The following PIP4P1 variants were observed in gnomAD, a reference collection of about 807,000 sequenced individuals.
PIP4P1 encodes type 1 phosphatidylinositol 4,5-bisphosphate 4-phosphatase.
Under a neutral mutation model 32.3 loss-of-function variants are expected in PIP4P1, and 14 were observed. The ratio of observed to expected loss-of-function variants is 0.43; its 90% CI spans 0.29 to 0.68. The LOEUF is 0.68. PIP4P1 is among the 30% of genes least tolerant of loss of function. PIP4P1 has a pLI of 0.15. For missense variants in PIP4P1, 289 were observed against 364.5 expected (o/e 0.79, Z 1.69); for synonymous variants, 132 against 137.9 (o/e 0.96, Z 0.30).
chr14:20,458,505 A>G lies in PIP4P1; in HGVS notation c.*54T>C. The G allele has an allele frequency of 6.2e-7, 1 of 1,604,848 alleles. No individual in the cohort carries two copies. Among genetic ancestry groups the G allele is most frequent in the Non-Finnish European group, 8.5e-7 (1 of 1,175,104 alleles). On this transcript the variant is annotated 3_prime_UTR_variant, in exon 7 of 7. Transcript: ENST00000250489. Reference sequence around the variant, plus strand: ...CTTTAACTACCCCAGCTCCCTTCGTAGTGTCACTGTCCCCACCAGGGAGGG... The same window carrying G: ...CTTTAACTACCCCAGCTCCCTTCGTGGTGTCACTGTCCCCACCAGGGAGGG...
intron 2 of PIP4P1, 37 bp downstream of exon 2, chr14:20,460,618 G>C (rs1316478118): frequency 6.2e-7 from 1 of 1,601,850 alleles, no homozygotes; most frequent in Non-Finnish European, 8.5e-7. Context: ...AGAGGATCCA[G>C]GAAACAGGGC....
intron 1 of PIP4P1, 83 bp downstream of exon 1, chr14:20,461,101 T>C (rs1360215052): frequency 1.6e-6 from 2 of 1,271,364 alleles, no homozygotes; most frequent in African/African-American, 3.1e-5. Flanking sequence ...CCGCCCTCGG[T>C]CCCGCCCCCT....
intron 1 of PIP4P1, 62 bp from the exon 2 acceptor site, chr14:20,460,907 G>T (rs1881681479): frequency 6.8e-7 from 1 of 1,478,110 alleles, no homozygotes; most frequent in Admixed American, 2.5e-5. Flanking sequence ...CTCCACGGTG[G>T]TAGGGAAGTC....
At position 20,459,421 on chromosome 14, in the gene PIP4P1, C is replaced by T. The variant is rs776716699; in HGVS notation, c.566G>A (p.Arg189His). Residue 189 changes from arginine (R) to histidine (H), a missense_variant, in exon 5 of 7, where the codon CGC becomes CAC. By Grantham distance (29) the Arg-to-His change is conservative. Coordinates refer to ENST00000250489, the MANE Select transcript of PIP4P1 (RefSeq NM_144568.4). ...GCAGTGAGGACAACGTGCCAAAGTG[C>T]GGTCTGTGAACTCTGTCCACTATGG... ...NTFLWTEFTD[R>H]TLARCPHCRK... The T allele has an allele frequency of 2.5e-5, 40 of 1,614,040 alleles. No homozygotes were observed. Among genetic ancestry groups the T allele is most frequent in the Admixed American group, 1.5e-4 (9 of 59,998 alleles).
chr14:20,460,027 T>C, intron 3 of PIP4P1, 165 bp downstream of exon 3: 1 of 658,898 alleles, frequency 1.5e-6, no homozygotes, highest in East Asian at 2.7e-5. Flanking sequence ...ATATTTTTAT[T>C]GAGAAACGAG....
Position 20,458,541 on chromosome 14 carries a change from G to A in PIP4P1, c.*18C>T, listed in dbSNP as rs1230514067. The A allele has an allele frequency of 1.2e-5, 19 of 1,612,292 alleles. No homozygotes were observed. The highest frequency in any genetic ancestry group is 4.5e-5 in the East Asian group (2 of 44,892). On this transcript the variant is annotated 3_prime_UTR_variant, in exon 7 of 7. Transcript: ENST00000250489. ...CCCCACCAGGGAGGGGCCAGGCACAGTCTGTGGGTCATCAGGCTCAGGAGA... is the reference window on the plus strand; with the variant it reads ...CCCCACCAGGGAGGGGCCAGGCACAATCTGTGGGTCATCAGGCTCAGGAGA...
chr14:20,460,017 A>C (rs571834925), intron 3 of PIP4P1, 175 bp downstream of exon 3: 1 of 649,288 alleles, frequency 1.5e-6, no homozygotes, highest in Non-Finnish European at 2.7e-6. Flanking sequence ...TTTCATCTCA[A>C]TATTTTTATT....
chr14:20,460,823 C>G lies in PIP4P1; in HGVS notation c.165G>C (p.Gly55=), dbSNP rs371564120. 1.9e-6 allele frequency: 3 copies of G among 1,561,510 alleles called. No individual in the cohort carries two copies. The highest frequency in any genetic ancestry group is 2.6e-6 in the Non-Finnish European group (3 of 1,156,806). Residue 55 remains glycine (G), a synonymous_variant, in exon 2 of 7, where the codon GGG becomes GGC. Transcript: ENST00000250489. The stretch of plus-strand genomic sequence containing the variant: ...CCTCCCCAGGCAACACGGCTGGATG[C>G]CCCTCGGGAAACGGGGGAAATGCTG... ...YGAAFPPFPE[G]HPAVLPGEDP... is the part of the protein sequence containing the mutation.
rs1594418482 is a variant in PIP4P1 at position 20,459,223 on chromosome 14, T to C, written c.673A>G (p.Thr225Ala). 1 of 1,614,084 alleles carries C rather than the reference T, an allele frequency of 6.2e-7. No individual in the cohort carries two copies. The highest frequency in any genetic ancestry group is 1.3e-5 in the African/African-American group (1 of 74,924). Residue 225 changes from threonine to alanine, a missense_variant, in exon 6 of 7, where the codon ACT (threonine) becomes GCT (alanine). Thr to Ala is a moderately conservative substitution (Grantham distance 58). Coordinates refer to ENST00000250489, the MANE Select transcript of PIP4P1 (RefSeq NM_144568.4). ...GTACTCACGGCAAGGCCAGTGGCAGTGACTGCCAAAAGCAAGCCAAGCAAG... is the reference window on the plus strand; with the variant it reads ...GTACTCACGGCAAGGCCAGTGGCAGCGACTGCCAAAAGCAAGCCAAGCAAG... ...CFLLGLLLAV[T>A]ATGLAFGTWK... is the part of the protein sequence containing the mutation.
intron 3 of PIP4P1, 70 bp downstream of exon 3, chr14:20,460,122 C>T (rs1594419453): frequency 8.6e-7 from 1 of 1,160,496 alleles, no homozygotes. Context: ...TTTACATTCT[C>T]TGTATACGCT....
Position 20,460,183 on chromosome 14 carries a change from G to A in PIP4P1, c.440+9C>T, listed in dbSNP as rs750090941. On this transcript the variant is annotated intron_variant, in intron 3 of 6. Coordinates refer to ENST00000250489, the MANE Select transcript of PIP4P1 (RefSeq NM_144568.4). Reference sequence around the variant, plus strand: ...CCACTTAGGCCCTTCCCCACCTTATGCCTCTTACCAGTAGGGCCGAGGGCA... The same window carrying A: ...CCACTTAGGCCCTTCCCCACCTTATACCTCTTACCAGTAGGGCCGAGGGCA... 1 of 1,605,074 alleles carries A rather than the reference G, an allele frequency of 6.2e-7. No individual in the cohort carries two copies. The highest frequency in any genetic ancestry group is 8.5e-7 in the Non-Finnish European group (1 of 1,171,796).
At position 20,458,416 on chromosome 14, in the gene PIP4P1, T is replaced by C; in HGVS notation, c.*143A>G. 4.9e-6 allele frequency: 6 copies of C among 1,233,050 alleles called. No individual in the cohort carries two copies. The highest frequency in any genetic ancestry group is 6.9e-6 in the Non-Finnish European group (6 of 866,820). 76.4% of individuals were successfully genotyped at this position (1,233,050 alleles called of 1,614,324 possible). On this transcript the variant is annotated 3_prime_UTR_variant, in exon 7 of 7. Transcript: ENST00000250489. Reference sequence around the variant, plus strand: ...CAAACCTAAGTGAGGGCCTGGTTCCTTCCTACCTCTCCCCAGGGAAAAGGA... The same window carrying C: ...CAAACCTAAGTGAGGGCCTGGTTCCCTCCTACCTCTCCCCAGGGAAAAGGA...
chr14:20,458,730 A>G, intron 6 of PIP4P1, 28 bp from the exon 7 acceptor site: 2 of 1,601,062 alleles, frequency 1.2e-6, no homozygotes, highest in Non-Finnish European at 8.5e-7. Context: ...GGAGAAGAAA[A>G]GAAAGATGGG....
At chr14:20,458,840 C>CTTATTTTTTTTTTTTTTTTTTTTTTT in intron 6 of PIP4P1, 138 bp from the exon 7 acceptor site, 1 of 1,092,968 alleles carries the variant, frequency 9.1e-7, no homozygotes. Context: ...CCTCAGGGAC[C>CTTATTTTTTTTTTTTTTTTTTTTTTT]TTCTTAAAGG....
In PIP4P1 at chr14:20,459,426, T is replaced by G. The variant is rs1361920451; in HGVS notation, c.561A>C (p.Thr187=). Residue 187 remains threonine, a synonymous_variant, in exon 5 of 7, where the codon ACA becomes ACC. Coordinates refer to ENST00000250489, the MANE Select transcript of PIP4P1 (RefSeq NM_144568.4). ...CKNTFLWTEF[T]DRTLARCPHC... ...GAGGACAACGTGCCAAAGTGCGGTC[T>G]GTGAACTCTGTCCACTATGGAGAAA... The G allele has an allele frequency of 6.2e-7, 1 of 1,614,122 alleles. No homozygotes were observed. The highest frequency in any genetic ancestry group is 8.5e-7 in the Non-Finnish European group (1 of 1,180,046).
rs553577788 is a variant in PIP4P1, at chr14:20,461,405, C to A, written c.-80G>T. On this transcript the variant is annotated 5_prime_UTR_variant, in exon 1 of 7. Transcript: ENST00000250489. ...CCGTCGCCGCAGCCACCGCCACCGC[C>A]GCCACCGCCACCGCCGCTACCGGGT... is the stretch of plus-strand genomic sequence containing the variant. 1.7e-5 allele frequency: 21 copies of A among 1,212,918 alleles called. No homozygotes were observed. The East Asian group carries it at 3.5e-4, about 20-fold the overall frequency. 75.1% of individuals were successfully genotyped at this position (1,212,918 alleles called of 1,614,324 possible).
At chr14:20,458,758 C>G in intron 6 of PIP4P1, 56 bp from the exon 7 acceptor site, 2 of 1,569,214 alleles carry the variant, frequency 1.3e-6, no homozygotes, top group Middle Eastern at 3.4e-4. Context: ...TTGGTCTCCA[C>G]TACCTCCTAT....
At chr14:20,460,932 C>T (rs1881682126) in intron 1 of PIP4P1, 87 bp from the exon 2 acceptor site, 8 of 1,426,600 alleles carry the variant, frequency 5.6e-6, no homozygotes, top group Non-Finnish European at 2.8e-6. Flanking sequence ...TGATCTTCAA[C>T]CCTCTGACCA....
rs1881525325 is a variant in PIP4P1, at chr14:20,458,206, ACCCACC to A, written c.*347_*352del. 2.2e-6 allele frequency: 1 copy of A among 451,362 alleles called. No homozygotes were observed. The highest frequency in any genetic ancestry group is 2.0e-5 in the African/African-American group (1 of 50,002). 28.0% of individuals were successfully genotyped at this position (451,362 alleles called of 1,614,324 possible). A position where few individuals can be genotyped will look rare whatever the true frequency, so the allele number is the denominator to read the frequency against. On this transcript the variant is annotated 3_prime_UTR_variant, in exon 7 of 7. Transcript: ENST00000250489. ...AAGAGGGAGGGGAACCCCCAGGGCT[ACCCACC>A]CCCACCCTGCCCTGGAATGTGTAAG...
Sources: gnomAD v4.1 joint callset for allele counts on GRCh38, gnomAD v4.1.1 for gene constraint, MANE v1.5 for transcripts, NCBI Gene and HGNC (gene_info 2026-07-23, HGNC 2026-07-21) for gene names.